GPD2: variants seen among roughly 807,000 people sequenced by gnomAD.
GPD2 encodes glycerol-3-phosphate dehydrogenase, mitochondrial.
In GPD2, 54 loss-of-function variants were observed where a neutral mutation model predicts 82.4. That is an observed-to-expected ratio of 0.66 (90% CI 0.53 to 0.82). The LOEUF is 0.82. Among genes scored for constraint, GPD2 ranks in the 40% least tolerant of loss-of-function variants. GPD2 has a pLI of 0.00. For synonymous variants in GPD2, 288 were observed against 306.1 expected, an observed-to-expected ratio of 0.94 and a Z score of 0.62; for missense variants, 748 against 896.2, an observed-to-expected ratio of 0.83 and a Z score of 2.11.
rs1470430661 is a variant in GPD2 at position 156,584,979 on chromosome 2, G to C, written c.*2061G>C. ...GATCTGTGTTTGTTAAACAGGCCTT[G>C]TTTGTGCATGCTTTGCTATGAATGA... On this transcript the variant is annotated 3_prime_UTR_variant, in exon 17 of 17. Transcript: ENST00000438166. 3 of 151,926 alleles carry C rather than the reference G, an allele frequency of 2.0e-5. No individual in the cohort carries two copies. The highest frequency in any genetic ancestry group is 4.4e-5 in the Non-Finnish European group (3 of 67,908). The allele number at this position is 151,926 out of a possible 1,614,324, so 9.4% of individuals were successfully genotyped here. A position where few individuals can be genotyped will look rare whatever the true frequency, so the allele number is the denominator to read the frequency against.
chr2:156,474,553 T>C (rs773317986), intron 1 of GPD2, among the ~76,000 whole-genome samples: 1 of 152,194 alleles, frequency 6.6e-6, no homozygotes, highest in Non-Finnish European at 1.5e-5. Flanking sequence ...TTTGTGAATG[T>C]AAAGTCTTAG....
rs70987040 is a variant in GPD2, at chr2:156,465,364, T to TC, written c.-8-10734_-8-10733insC. Among the ~76,000 whole-genome samples the TC allele has an allele frequency of 8.0e-3, 527 of 65,658 alleles. 1 individual carries two copies. Among genetic ancestry groups the TC allele is most frequent in the East Asian group, 0.02 (27 of 1,340 alleles). 43.1% of individuals were successfully genotyped at this position (65,658 alleles called of 152,430 possible). A position where few individuals can be genotyped will look rare whatever the true frequency, so the allele number is the denominator to read the frequency against. On this transcript the variant is annotated intron_variant, in intron 1 of 16. Coordinates refer to ENST00000438166, the MANE Select transcript of GPD2 (RefSeq NM_000408.5). Reference sequence around the variant, plus strand: ...TCTTTTCTTTCTTTCTTTCTTTCTTTTTTTTTTTTTTTTTTGAGACAGGAT... The same window carrying TC: ...TCTTTTCTTTCTTTCTTTCTTTCTTTCTTTTTTTTTTTTTTTGAGACAGGAT...
chr2:156,524,130 C>T (rs772938510), intron 6 of GPD2, among the ~76,000 whole-genome samples: 7 of 152,120 alleles, frequency 4.6e-5, no homozygotes, highest in Non-Finnish European at 8.8e-5. Context: ...TTTTAACTCT[C>T]ACCCTCTTCC....
intron 8 of GPD2, among the ~76,000 whole-genome samples, chr2:156,555,904 G>A (rs1356184318): frequency 6.6e-6 from 1 of 152,186 alleles, no homozygotes; most frequent in African/African-American, 2.4e-5. Context: ...TCTCTCCGAT[G>A]TGTCTCAGAT....
At chr2:156,461,976 C>A in intron 1 of GPD2, among the ~76,000 whole-genome samples, 1 of 152,162 alleles carries the variant, frequency 6.6e-6, no homozygotes, top group Middle Eastern at 3.2e-3. Context: ...TGGTTATATT[C>A]TAAGAAATTA....
Position 156,579,341 on chromosome 2 carries a change from T to C in GPD2, c.1959+177T>C, listed in dbSNP as rs1452492573. On this transcript the variant is annotated intron_variant, in intron 15 of 16. Transcript: ENST00000438166. ...TTCTTTTTTCTTTCTTTTTTTTTTT[T>C]TTTGAGACAGAGTCTCACTCTGTTG... 2.0e-5 allele frequency among the ~76,000 whole-genome samples: 3 copies of C among 150,422 alleles called. No homozygotes were observed. In the East Asian group the frequency reaches 5.8e-4, roughly 29 times the overall value.
At chr2:156,568,992 T>TC in intron 10 of GPD2, 33 bp downstream of exon 10, 1 of 997,982 alleles carries the variant, frequency 1.0e-6, no homozygotes, top group Non-Finnish European at 1.4e-6. Context: ...TTTCTTTTCT[T>TC]TTTTTTTTTT....
chr2:156,552,492 T>C (rs1272229890), intron 8 of GPD2, among the ~76,000 whole-genome samples: 2 of 152,246 alleles, frequency 1.3e-5, no homozygotes, highest in Non-Finnish European at 2.9e-5. Context: ...GTTTGTTTGT[T>C]TTTAAGTATC....
intron 3 of GPD2, among the ~76,000 whole-genome samples, chr2:156,504,077 A>G (rs1234631758): frequency 1.3e-5 from 2 of 151,742 alleles, no homozygotes; most frequent in African/African-American, 2.4e-5. Flanking sequence ...TCATATCTCT[A>G]TTAATCTGTT....
chr2:156,428,827 T>C, the GPD2 span, among the ~76,000 whole-genome samples: 10 of 152,348 alleles, frequency 6.6e-5, no homozygotes, highest in South Asian at 2.1e-3. Flanking sequence ...CTTCCATTTT[T>C]CAGGCTTTAT....
At chr2:156,447,371 G>C (rs902122471) in intron 1 of GPD2, among the ~76,000 whole-genome samples, 4 of 151,012 alleles carry the variant, frequency 2.6e-5, no homozygotes, top group African/African-American at 9.8e-5. Context: ...GTCTTATCCT[G>C]TCACTCAGGC....
At chr2:156,542,510 G>A (rs1371949674) in intron 6 of GPD2, among the ~76,000 whole-genome samples, 2 of 152,076 alleles carry the variant, frequency 1.3e-5, no homozygotes, top group African/African-American at 2.4e-5. Flanking sequence ...CTGCCAAAAT[G>A]TACATCAACC....
intron 6 of GPD2, among the ~76,000 whole-genome samples, chr2:156,530,359 G>A (rs558197909): frequency 4.9e-5 from 7 of 142,676 alleles, no homozygotes; most frequent in South Asian, 2.3e-4. Flanking sequence ...CTGGATATAC[G>A]ATCATGTCAT....
intron 9 of GPD2, among the ~76,000 whole-genome samples, chr2:156,564,095 G>A (rs557301611): frequency 2.4e-4 from 36 of 152,012 alleles, no homozygotes; most frequent in Non-Finnish European, 3.4e-4. Context: ...TAATAGAATC[G>A]TTGAATTTGG....
chr2:156,500,418 G>A (rs1684547513), intron 3 of GPD2, among the ~76,000 whole-genome samples: 1 of 152,198 alleles, frequency 6.6e-6, no homozygotes, highest in East Asian at 1.9e-4. Context: ...AATGAATTGT[G>A]CATTGTTGCT....
chr2:156,581,369 T>G (rs1049803601), intron 16 of GPD2, among the ~76,000 whole-genome samples: 29 of 152,198 alleles, frequency 1.9e-4, no homozygotes, highest in Admixed American at 4.6e-4. Context: ...AACTTTTGAG[T>G]TTTTAGAAGT....
intron 1 of GPD2, among the ~76,000 whole-genome samples, chr2:156,459,748 A>G (rs1180314479): frequency 2.0e-5 from 3 of 150,140 alleles, no homozygotes. Context: ...TCAATCTTTT[A>G]CGTAAGGACA....
intron 3 of GPD2, among the ~76,000 whole-genome samples, chr2:156,507,637 T>G (rs1210612933): frequency 6.6e-6 from 1 of 152,186 alleles, no homozygotes; most frequent in Non-Finnish European, 1.5e-5. Flanking sequence ...CTTGTTTTTT[T>G]CTGATGAAAC....
intron 9 of GPD2, among the ~76,000 whole-genome samples, chr2:156,561,491 A>G (rs961132491): frequency 9.9e-5 from 15 of 152,018 alleles, no homozygotes; most frequent in African/African-American, 3.4e-4. Flanking sequence ...TGCACTAGGG[A>G]GTGGTAAGCT....
Sources: allele counts gnomAD v4.1 joint callset (sites outside exome capture counted in the v4.1 genomes callset), GRCh38; gene constraint gnomAD v4.1.1; transcripts MANE v1.5; gene names NCBI Gene and HGNC (gene_info 2026-07-23, HGNC 2026-07-21).